The following ZNF157 variants were observed in gnomAD, a reference collection of about 807,000 sequenced individuals.
ZNF157 encodes the protein zinc finger protein 22.
Under a neutral mutation model 9.4 loss-of-function variants are expected in ZNF157, and 8 were observed. The observed-to-expected ratio is 0.85, with a 90% CI of 0.50 to 1.53. The LOEUF (loss-of-function observed/expected upper bound fraction) is 1.53. Ranked by LOEUF, ZNF157 falls within the 40% of genes most tolerant of loss-of-function variation. ZNF157 has a pLI of 0.00. For missense variants in ZNF157, 316 were observed against 385.2 expected (o/e 0.82, Z 1.50); for synonymous variants, 120 against 130.8 (o/e 0.92, Z 0.56).
intron 1 of ZNF157, among the ~76,000 whole-genome samples, chrX:47,405,724 G>A (rs954996249): frequency 2.7e-5 from 3 of 111,196 alleles, no homozygotes; most frequent in Non-Finnish European, 3.8e-5. Context: ...CCTAAACATT[G>A]CTGACCCATC....
chrX:47,398,228 T>C (rs751772392), intron 1 of ZNF157, among the ~76,000 whole-genome samples: 37 of 111,307 alleles, frequency 3.3e-4, no homozygotes, highest in Admixed American at 2.4e-3. Flanking sequence ...ATTCAGAGAA[T>C]ATTCAGACTC....
rs1569256714 is a variant in ZNF157, at chrX:47,380,850, AGAGGAGCAGGAGGAGGAGAAAGAGAAG to A, written c.72+10171_72+10197del. Among the ~76,000 whole-genome samples, 23 of 86,233 alleles carry A rather than the reference AGAGGAGCAGGAGGAGGAGAAAGAGAAG, an allele frequency of 2.7e-4. 1 individual carries two copies. Among genetic ancestry groups the A allele is most frequent in the South Asian group, 1.1e-3 (2 of 1,774 alleles). The allele number at this position is 86,233 out of a possible 115,157, so 74.9% of individuals were successfully genotyped here. ...GAAAGGAGGAGGAGAAAGAGGAGGAAGAGGAGCAGGAGGAGGAGAAAGAGAAGGAGGAGCAGGAGGAGGAGAAAGAGA... is the reference window on the plus strand; with the variant it reads ...GAAAGGAGGAGGAGAAAGAGGAGGAAGAGGAGCAGGAGGAGGAGAAAGAGA... On this transcript the variant is annotated intron_variant, in intron 1 of 3. Coordinates refer to ENST00000377073, the MANE Select transcript of ZNF157 (RefSeq NM_003446.4).
chrX:47,389,709 T>A (rs180697480), intron 1 of ZNF157, among the ~76,000 whole-genome samples: 1 of 111,355 alleles, frequency 9.0e-6, no homozygotes, highest in East Asian at 2.8e-4. Context: ...GAGACCAGCC[T>A]GGCCAACTTG....
At chrX:47,396,385 A>G (rs1161111405) in intron 1 of ZNF157, among the ~76,000 whole-genome samples, 1 of 110,625 alleles carries the variant, frequency 9.0e-6, no homozygotes, top group African/African-American at 3.3e-5. Flanking sequence ...ACTGAAAAGA[A>G]AAAATTAGCT....
At chrX:47,374,592 G>A (rs904592008) in intron 1 of ZNF157, among the ~76,000 whole-genome samples, 4 of 106,735 alleles carry the variant, frequency 3.7e-5, no homozygotes, top group African/African-American at 1.4e-4. Flanking sequence ...TACAGACAGC[G>A]TTTCACCATG....
chrX:47,372,210 A>T (rs1356402269), intron 1 of ZNF157, among the ~76,000 whole-genome samples: 2 of 110,676 alleles, frequency 1.8e-5, no homozygotes. Flanking sequence ...GTCACCAGAA[A>T]GACTAAGGTA....
intron 1 of ZNF157, chrX:47,388,513 CATT>C (rs1220169861): frequency 1.8e-5 from 2 of 110,466 alleles, no homozygotes; most frequent in Non-Finnish European, 3.8e-5. Context: ...GACAGAGTCT[CATT>C]ATGTTGTCCA....
chrX:47,378,979 C>T (rs989637422), intron 1 of ZNF157, among the ~76,000 whole-genome samples: 5 of 111,449 alleles, frequency 4.5e-5, no homozygotes, highest in African/African-American at 9.7e-5. Context: ...AATTTTACAA[C>T]GGTAGTTTCA....
At chrX:47,409,697 G>A (rs1305111618) in intron 1 of ZNF157, among the ~76,000 whole-genome samples, 1 of 106,740 alleles carries the variant, frequency 9.4e-6, no homozygotes, top group Non-Finnish European at 1.9e-5. Context: ...GAGCTGGAGT[G>A]CAGTGGTGTG....
At chrX:47,379,113 G>GT (rs1173860763) in intron 1 of ZNF157, among the ~76,000 whole-genome samples, 54 of 106,361 alleles carry the variant, frequency 5.1e-4, no homozygotes, top group East Asian at 4.1e-3. Flanking sequence ...ACAACGTACT[G>GT]TTTTTTTTTT....
chrX:47,401,406 C>T (rs191472400), intron 1 of ZNF157, among the ~76,000 whole-genome samples: 39 of 112,129 alleles, frequency 3.5e-4, no homozygotes, highest in Admixed American at 8.6e-4. Context: ...AGAGTGTCTG[C>T]TCTTTGCAAT....
Position 47,370,647 on chromosome X carries a change from T to A in ZNF157, c.-22T>A, listed in dbSNP as rs201717627. On this transcript the variant is annotated 5_prime_UTR_variant, in exon 1 of 4. Transcript: ENST00000377073. ...ACAGACAGCTGTCCAGCACGGAAGGTGGGCTGAGGCCCAGGGTGAACATGC... is the reference window on the plus strand; with the variant it reads ...ACAGACAGCTGTCCAGCACGGAAGGAGGGCTGAGGCCCAGGGTGAACATGC... 4.8e-5 allele frequency: 58 copies of A among 1,196,822 alleles called. No individual in the cohort carries two copies. The East Asian group carries it at 1.7e-3, about 36-fold the overall frequency.
intron 1 of ZNF157, among the ~76,000 whole-genome samples, chrX:47,395,090 T>C (rs1467537719): frequency 8.9e-6 from 1 of 111,870 alleles, no homozygotes; most frequent in Non-Finnish European, 1.9e-5. Flanking sequence ...CCCAAAGTGC[T>C]GGGGTTACAG....
intron 1 of ZNF157, among the ~76,000 whole-genome samples, chrX:47,374,996 A>ATTTTTT (rs2055839953): frequency 2.1e-5 from 1 of 48,091 alleles, no homozygotes; most frequent in Non-Finnish European, 4.2e-5. Context: ...CCGGCTGACA[A>ATTTTTT]TCTTTTTTTT....
chrX:47,402,700 C>T (rs1050231782), intron 1 of ZNF157, among the ~76,000 whole-genome samples: 5 of 107,686 alleles, frequency 4.6e-5, no homozygotes, highest in Non-Finnish European at 9.6e-5. Context: ...CCACCACGCC[C>T]GGCTAATTTT....
At chrX:47,408,679 G>A (rs766822414) in intron 1 of ZNF157, among the ~76,000 whole-genome samples, 20 of 112,107 alleles carry the variant, frequency 1.8e-4, no homozygotes, top group Non-Finnish European at 3.0e-4. Context: ...GCTTCCCAAA[G>A]TGCTGGGATT....
intron 1 of ZNF157, among the ~76,000 whole-genome samples, chrX:47,396,737 A>G (rs1438121824): frequency 9.0e-6 from 1 of 110,992 alleles, no homozygotes; most frequent in Non-Finnish European, 1.9e-5. Context: ...GTCTGTTCTC[A>G]TGCTGCTAAT....
At chrX:47,374,702 CTTTTTTTTTTTT>C (rs869212909) in intron 1 of ZNF157, among the ~76,000 whole-genome samples, 1 of 56,673 alleles carries the variant, frequency 1.8e-5, no homozygotes, top group African/African-American at 8.6e-5. Flanking sequence ...GCCCAGCAAT[CTTTTTTTTTTTT>C]TTTTTTTTTT....
At chrX:47,385,561 G>GTA (rs765282910) in intron 1 of ZNF157, among the ~76,000 whole-genome samples, 169 of 107,853 alleles carry the variant, frequency 1.6e-3, no homozygotes, top group Non-Finnish European at 2.6e-3. Flanking sequence ...GTGTGTGTGT[G>GTA]TGTGTGTGTG....
Sources: gnomAD v4.1 joint callset for allele counts (sites outside exome capture counted in the v4.1 genomes callset) on GRCh38, gnomAD v4.1.1 for gene constraint, MANE v1.5 for transcripts, NCBI Gene and HGNC (gene_info 2026-07-23, HGNC 2026-07-21) for gene names.